The following CDC5L variants were observed in gnomAD, a reference collection of about 807,000 sequenced individuals.
The protein encoded by CDC5L is cell division cycle 5-like protein.
A neutral mutation model predicts 104.1 loss-of-function variants in CDC5L; 18 were observed. That is an observed-to-expected ratio of 0.17 (90% CI 0.12 to 0.26). CDC5L has a LOEUF of 0.26. CDC5L is among the 10% of genes least tolerant of loss of function. The probability of loss-of-function intolerance (pLI) is 1.00; values close to 1 mark genes in which losing one functional copy is unlikely to be tolerated. For missense variants in CDC5L, 673 were observed against 956.9 expected (o/e 0.70, Z 3.91); for synonymous variants, 331 against 322.7 (o/e 1.03, Z -0.28).
chr6:44,443,136 C>CCTTTT (rs542653675), intron 14 of CDC5L, among the ~76,000 whole-genome samples: 81 of 148,876 alleles, frequency 5.4e-4, no homozygotes, highest in African/African-American at 1.9e-3. Flanking sequence ...TTCCTTCCTT[C>CCTTTT]CTTTTCTTTT....
intron 14 of CDC5L, among the ~76,000 whole-genome samples, chr6:44,436,065 A>G (rs1264629488): frequency 6.6e-6 from 1 of 152,178 alleles, no homozygotes; most frequent in Non-Finnish European, 1.5e-5. Context: ...GGTGTGAGCC[A>G]CCGTGCCCAG....
chr6:44,441,133 C>T (rs1431320324), intron 14 of CDC5L, among the ~76,000 whole-genome samples: 1 of 152,218 alleles, frequency 6.6e-6, no homozygotes, highest in Non-Finnish European at 1.5e-5. Context: ...AACATCTCCC[C>T]TTTCCCTATC....
intron 14 of CDC5L, among the ~76,000 whole-genome samples, chr6:44,434,799 C>T (rs1372212459): frequency 6.6e-6 from 1 of 152,148 alleles, no homozygotes; most frequent in African/African-American, 2.4e-5. Flanking sequence ...AACAGTTACA[C>T]TTTCATAAGT....
chr6:44,409,025 G>A (rs1002155800), intron 8 of CDC5L, among the ~76,000 whole-genome samples: 2 of 152,150 alleles, frequency 1.3e-5, no homozygotes, highest in Non-Finnish European at 2.9e-5. Context: ...TCTCTAACAC[G>A]TGGGGTAGAC....
intron 8 of CDC5L, among the ~76,000 whole-genome samples, chr6:44,416,141 A>G (rs1255004873): frequency 2.6e-5 from 4 of 152,304 alleles, no homozygotes; most frequent in South Asian, 4.1e-4. Flanking sequence ...AGATTTAATT[A>G]AGGAAACAGA....
intron 8 of CDC5L, among the ~76,000 whole-genome samples, chr6:44,414,499 T>A (rs1269706450): frequency 6.6e-6 from 1 of 151,418 alleles, no homozygotes; most frequent in East Asian, 1.9e-4. Context: ...TTTTTTTTTT[T>A]AATTTAAAAA....
rs769674123 is a variant in CDC5L at position 44,426,741 on chromosome 6, A to G, written c.1893+17A>G. The G allele has an allele frequency of 2.5e-6, 4 of 1,609,228 alleles. No individual in the cohort carries two copies. The African/African-American group carries it at 5.4e-5, about 22-fold the overall frequency. ...CTGAAAAAGGTATGATTGAGCTGGA[A>G]TATTTCTTCTTGAGATTTAGGTAGT... On this transcript the variant is annotated intron_variant, in intron 13 of 15. Transcript: ENST00000371477.
chr6:44,394,486 G>T (rs1264266556), intron 4 of CDC5L, among the ~76,000 whole-genome samples: 4 of 152,124 alleles, frequency 2.6e-5, no homozygotes, highest in African/African-American at 9.7e-5. Context: ...AGTGATTCTG[G>T]GAGGCATTGA....
intron 2 of CDC5L, among the ~76,000 whole-genome samples, chr6:44,391,272 G>A (rs1467494720): frequency 8.0e-5 from 12 of 150,452 alleles, no homozygotes; most frequent in Non-Finnish European, 1.5e-4. Context: ...TTTTTGGGAC[G>A]GAGTCTTGCT....
At chr6:44,394,510 C>A (rs1249253508) in intron 4 of CDC5L, among the ~76,000 whole-genome samples, 1 of 152,070 alleles carries the variant, frequency 6.6e-6, no homozygotes, top group Non-Finnish European at 1.5e-5. Flanking sequence ...AGGAATTCCA[C>A]AATAGAAAGT....
intron 13 of CDC5L, 69 bp from the exon 14 acceptor site, chr6:44,429,644 T>C (rs1792589007): frequency 1.3e-5 from 19 of 1,418,670 alleles, no homozygotes; most frequent in Non-Finnish European, 1.8e-5. Context: ...AAAATTAGTC[T>C]TCTAAAGCTC....
chr6:44,422,639 C>T lies in CDC5L; in HGVS notation c.1242-8C>T. 6.4e-7 allele frequency: 1 copy of T among 1,552,212 alleles called. No homozygotes were observed. The highest frequency in any genetic ancestry group is 8.7e-7 in the Non-Finnish European group (1 of 1,150,938). Reference sequence around the variant, plus strand: ...CACTTCTGTTAATTGGGATTCCTGTCTTTCTAGGACTCCTTCTAATGGAGC... The same window carrying T: ...CACTTCTGTTAATTGGGATTCCTGTTTTTCTAGGACTCCTTCTAATGGAGC... On this transcript the variant is annotated splice_polypyrimidine_tract_variant and splice_region_variant and intron_variant, in intron 9 of 15. Coordinates refer to ENST00000371477, the MANE Select transcript of CDC5L (RefSeq NM_001253.4).
intron 6 of CDC5L, among the ~76,000 whole-genome samples, chr6:44,404,608 T>C (rs1462450172): frequency 6.6e-5 from 10 of 152,228 alleles, no homozygotes; most frequent in Admixed American, 6.5e-4. Context: ...GAATCACATC[T>C]TAACTTTTAT....
At chr6:44,396,138 A>G (rs1790859667) in intron 4 of CDC5L, among the ~76,000 whole-genome samples, 1 of 152,252 alleles carries the variant, frequency 6.6e-6, no homozygotes, top group African/African-American at 2.4e-5. Context: ...CTAAGGTCAC[A>G]TAGCTAGCAA....
At chr6:44,445,922 G>A in intron 15 of CDC5L, 55 bp downstream of exon 15, 1 of 1,355,266 alleles carries the variant, frequency 7.4e-7, no homozygotes, top group Non-Finnish European at 1.1e-6. Context: ...GAATTATCAG[G>A]GCTGTCCTCT....
chr6:44,428,766 C>G (rs1404990701), intron 13 of CDC5L, among the ~76,000 whole-genome samples: 1 of 152,160 alleles, frequency 6.6e-6, no homozygotes. Flanking sequence ...GGTTTATGAT[C>G]TATCATCTAA....
chr6:44,408,695 AG>A, intron 8 of CDC5L, 63 bp downstream of exon 8: 1 of 1,235,892 alleles, frequency 8.1e-7, no homozygotes, highest in East Asian at 2.5e-5. Context: ...AGTATCATGC[AG>A]GAGAACTAAG....
chr6:44,414,896 A>G (rs989514813), intron 8 of CDC5L, among the ~76,000 whole-genome samples: 8 of 151,888 alleles, frequency 5.3e-5, no homozygotes, highest in African/African-American at 1.9e-4. Context: ...TTTTCCTCAG[A>G]TTTTATAGTT....
At chr6:44,424,154 G>A (rs1033417712) in intron 10 of CDC5L, among the ~76,000 whole-genome samples, 1 of 152,078 alleles carries the variant, frequency 6.6e-6, no homozygotes, top group African/African-American at 2.4e-5. Flanking sequence ...TGGATACATA[G>A]TAGGTGTGTA....
Sources: allele counts gnomAD v4.1 joint callset (sites outside exome capture counted in the v4.1 genomes callset), GRCh38; gene constraint gnomAD v4.1.1; transcripts MANE v1.5; gene names NCBI Gene and HGNC (gene_info 2026-07-23, HGNC 2026-07-21).